The following OSR2 variants were observed in gnomAD, a reference collection of about 807,000 sequenced individuals.
OSR2 encodes protein odd-skipped-related 2.
In OSR2, 8 loss-of-function variants were observed where a neutral mutation model predicts 22.3. The ratio of observed to expected loss-of-function variants is 0.36; its 90% confidence interval spans 0.21 to 0.65. OSR2 has a LOEUF of 0.65. Among genes scored for constraint, OSR2 ranks in the 30% least tolerant of loss-of-function variants. The pLI is 0.66. For missense variants in OSR2, 311 were observed against 413.4 expected (o/e 0.75, Z 2.15); for synonymous variants, 179 against 173.8 (o/e 1.03, Z -0.23).
chr8:98,948,787 G>A lies in OSR2; in HGVS notation c.-114-52G>A, dbSNP rs1840690219. On this transcript the variant is annotated intron_variant, in intron 1 of 3. Coordinates refer to ENST00000297565, the MANE Select transcript of OSR2 (RefSeq NM_001142462.3). The surrounding 1 kb of genome is among the most constrained non-coding windows in gnomAD (Gnocchi z 6.0). ...GCGCAGGTGCCAAAGGGCAGAAGGAGCAGCCTTGGATTATAGTCACGGTCT... is the reference window on the plus strand; with the variant it reads ...GCGCAGGTGCCAAAGGGCAGAAGGAACAGCCTTGGATTATAGTCACGGTCT... The A allele has an allele frequency of 6.8e-7, 1 of 1,478,708 alleles. No homozygotes were observed. The highest frequency in any genetic ancestry group is 2.2e-5 in the Admixed American group (1 of 46,208). 91.6% of individuals were successfully genotyped at this position (1,478,708 alleles called of 1,614,324 possible).
At position 98,949,416 on chromosome 8, in the gene OSR2, C is replaced by T. The variant is rs373472912; in HGVS notation, c.464C>T (p.Pro155Leu). Residue 155 changes from proline (P) to leucine (L), a missense_variant, in exon 2 of 4, where the codon CCG (proline) becomes CTG (leucine). Physicochemically the swap from Pro to Leu is moderately conservative, Grantham distance 98. This residue lies in a region of OSR2 where 53 missense variants were observed against 59.5 expected (regional missense o/e 0.89). Transcript: ENST00000297565. The surrounding 1 kb of genome is among the most constrained non-coding windows in gnomAD (Gnocchi z 5.9). ...SPISGLSKLT[P>L]DRKPSRGRLP... ...ATCTCGGGCCTCAGTAAATTGACTC[C>T]GGACAGAAAGCCCTCTCGAGGAAGG... 1.6e-5 allele frequency: 26 copies of T among 1,613,942 alleles called. No individual in the cohort carries two copies. Among genetic ancestry groups the T allele is most frequent in the Admixed American group, 5.0e-5 (3 of 60,012 alleles).
chr8:98,946,882 G>C (rs1298916450), intron 1 of OSR2, among the ~76,000 whole-genome samples: 3 of 152,104 alleles, frequency 2.0e-5, no homozygotes, highest in Non-Finnish European at 2.9e-5. Flanking sequence ...CTCTCTATGG[G>C]AAAGAGGTTG....
At position 98,949,185 on chromosome 8, in the gene OSR2, T is replaced by A. The variant is rs1345279687; in HGVS notation, c.233T>A (p.Leu78His). The A allele has an allele frequency of 9.5e-6, 15 of 1,581,784 alleles. No homozygotes were observed. Among genetic ancestry groups the A allele is most frequent in the Non-Finnish European group, 1.2e-5 (14 of 1,161,856 alleles). Residue 78 changes from leucine (L) to histidine (H), a missense_variant, in exon 2 of 4, where the codon CTC becomes CAC. Coordinates refer to ENST00000297565, the MANE Select transcript of OSR2 (RefSeq NM_001142462.3). This position sits in a 1 kb window ranked among gnomAD's most constrained non-coding sequence, Gnocchi z 5.9. ...TITEMAAAQG[L>H]VDARFPFPAL... ...ACGGAGATGGCGGCGGCGCAGGGCC[T>A]CGTGGACGCGCGCTTCCCCTTCCCG... is the stretch of plus-strand genomic sequence containing the variant.
At chr8:98,950,917 A>G (rs1840764490) in intron 3 of OSR2, 162 bp downstream of exon 3, 1 of 654,050 alleles carries the variant, frequency 1.5e-6, no homozygotes. Context: ...CATAAAATTA[A>G]TCTTGTTTAA....
chr8:98,951,047 T>A, intron 3 of OSR2: 1 of 552,630 alleles, frequency 1.8e-6, no homozygotes, highest in Non-Finnish European at 3.2e-6. Flanking sequence ...TAGGAGGAAA[T>A]AAAGGTAATT....
Position 98,948,127 on chromosome 8 carries a change from C to T in OSR2, c.-114-712C>T, listed in dbSNP as rs987103368. ...GGGGCGATTCTAGGCCGAATCCAGC[C>T]CCTGAGGTGTCACTTTTCTTTCCTG... On this transcript the variant is annotated intron_variant, in intron 1 of 3. Coordinates refer to ENST00000297565, the MANE Select transcript of OSR2 (RefSeq NM_001142462.3). This position sits in a 1 kb window ranked among gnomAD's most constrained non-coding sequence, Gnocchi z 6.0. The T allele has an allele frequency of 1.3e-5, 18 of 1,384,498 alleles. No individual in the cohort carries two copies. The African/African-American group carries it at 2.5e-4, about 20-fold the overall frequency. The allele number at this position is 1,384,498 out of a possible 1,614,324, so 85.8% of individuals were successfully genotyped here.
rs1840664322 is a variant in OSR2 at position 98,948,131 on chromosome 8, G to C, written c.-114-708G>C. 1 of 1,386,278 alleles carries C rather than the reference G, an allele frequency of 7.2e-7. No individual in the cohort carries two copies. The allele number at this position is 1,386,278 out of a possible 1,614,324, so 85.9% of individuals were successfully genotyped here. ...CGATTCTAGGCCGAATCCAGCCCCTGAGGTGTCACTTTTCTTTCCTGCGGC... is the reference window on the plus strand; with the variant it reads ...CGATTCTAGGCCGAATCCAGCCCCTCAGGTGTCACTTTTCTTTCCTGCGGC... On this transcript the variant is annotated intron_variant, in intron 1 of 3. Coordinates refer to ENST00000297565, the MANE Select transcript of OSR2 (RefSeq NM_001142462.3). The surrounding 1 kb of genome is among the most constrained non-coding windows in gnomAD (Gnocchi z 6.0).
intron 3 of OSR2, 172 bp downstream of exon 3, chr8:98,950,927 A>G (rs1212037368): frequency 6.3e-6 from 4 of 636,296 alleles, no homozygotes; most frequent in Non-Finnish European, 1.1e-5. Flanking sequence ...ATCTTGTTTA[A>G]CATAAAGCAT....
In OSR2 at chr8:98,949,251, G is replaced by T. The variant is rs1321043428; in HGVS notation, c.299G>T (p.Gly100Val). 2.2e-5 allele frequency: 35 copies of T among 1,606,060 alleles called. No homozygotes were observed. Among genetic ancestry groups the T allele is most frequent in the Non-Finnish European group, 2.7e-5 (32 of 1,174,824 alleles). Reference protein sequence around the residue: ...FTTHLFHPKQGAIAHVLPALH... With the variant: ...FTTHLFHPKQVAIAHVLPALH... The stretch of plus-strand genomic sequence containing the variant: ...ACCCACCTATTCCACCCCAAGCAGG[G>T]GGCCATTGCCCACGTCCTCCCAGCC... Residue 100 changes from glycine to valine, a missense_variant, in exon 2 of 4, where the codon GGG (glycine) becomes GTG (valine). Gly to Val is a moderately radical substitution (Grantham distance 109). Transcript: ENST00000297565. The surrounding 1 kb of genome is among the most constrained non-coding windows in gnomAD (Gnocchi z 5.9).
At position 98,951,795 on chromosome 8, in the gene OSR2, C is replaced by A; in HGVS notation, c.*94C>A. The A allele has an allele frequency of 7.9e-7, 1 of 1,259,628 alleles. No individual in the cohort carries two copies. Among genetic ancestry groups the A allele is most frequent in the Non-Finnish European group, 1.1e-6 (1 of 924,926 alleles). The allele number at this position is 1,259,628 out of a possible 1,614,324, so 78.0% of individuals were successfully genotyped here. On this transcript the variant is annotated 3_prime_UTR_variant, in exon 4 of 4. Transcript: ENST00000297565. ...AGGGGGTCGCATCCCTAGCCCTTCA[C>A]TGACCCCAGCTCTTCCCTTGCTGCA...
chr8:98,951,009 T>C, intron 3 of OSR2: 2 of 595,544 alleles, frequency 3.4e-6, no homozygotes, highest in Non-Finnish European at 5.9e-6. Flanking sequence ...TTTCATCCAA[T>C]CTGTCCTGCA....
At chr8:98,946,212 A>G (rs1227896836) in intron 1 of OSR2, 1 of 152,268 alleles carries the variant, frequency 6.6e-6, no homozygotes, top group Non-Finnish European at 1.5e-5. Flanking sequence ...TCCTTGCAAG[A>G]TTAAAAGTAA....
At position 98,948,163 on chromosome 8, in the gene OSR2, C is replaced by T. The variant is rs1220328146; in HGVS notation, c.-114-676C>T. 6.5e-6 allele frequency: 9 copies of T among 1,386,262 alleles called. No homozygotes were observed. The highest frequency in any genetic ancestry group is 5.8e-5 in the East Asian group (2 of 34,758). The allele number at this position is 1,386,262 out of a possible 1,614,324, so 85.9% of individuals were successfully genotyped here. A position where few individuals can be genotyped will look rare whatever the true frequency, so the allele number is the denominator to read the frequency against. On this transcript the variant is annotated intron_variant, in intron 1 of 3. Transcript: ENST00000297565. The surrounding 1 kb of genome is among the most constrained non-coding windows in gnomAD (Gnocchi z 6.0). ...CACTTTTCTTTCCTGCGGCCCGTCA[C>T]CGCTGATAGATGGGGCTGAGGGCAG...
rs778807175 is a variant in OSR2, at chr8:98,949,483, C to T, written c.531C>T (p.Cys177=). Reference sequence around the variant, plus strand: ...AAAAAGAGTTTATCTGCAAGTTTTGCGGCAGACACTTTACCAAATCCTACA... The same window carrying T: ...AAAAAGAGTTTATCTGCAAGTTTTGTGGCAGACACTTTACCAAATCCTACA... The part of the protein sequence containing the change: ...KTKKEFICKF[C]GRHFTKSYNL... The change falls in exon 2 of 4, where the codon TGC becomes TGT. Residue 177 remains cysteine (C), a synonymous_variant. Transcript: ENST00000297565. The surrounding 1 kb of genome is among the most constrained non-coding windows in gnomAD (Gnocchi z 5.9). 3.7e-6 allele frequency: 6 copies of T among 1,614,036 alleles called. No individual in the cohort carries two copies. In the South Asian group the frequency reaches 6.6e-5, roughly 18 times the overall value.
Position 98,948,028 on chromosome 8 carries a change from A to AC in OSR2, c.-114-806dup. ...CAGGGACGTTCTCCGCCCCCACCCC[A>AC]CCCCCTGGGAGCCTGAACCATCTGG... On this transcript the variant is annotated intron_variant, in intron 1 of 3. Transcript: ENST00000297565. The surrounding 1 kb of genome is among the most constrained non-coding windows in gnomAD (Gnocchi z 6.0). 1 of 988,790 alleles carries AC rather than the reference A, an allele frequency of 1.0e-6. No individual in the cohort carries two copies. Among genetic ancestry groups the AC allele is most frequent in the Non-Finnish European group, 1.3e-6 (1 of 754,808 alleles). 61.3% of individuals were successfully genotyped at this position (988,790 alleles called of 1,614,324 possible).
chr8:98,951,470 C>G, intron 3 of OSR2, 49 bp from the exon 4 acceptor site: 2 of 1,494,118 alleles, frequency 1.3e-6, no homozygotes, highest in Non-Finnish European at 1.8e-6. Flanking sequence ...GAAAAGGGTG[C>G]AGTGGTGGTG....
Position 98,948,981 on chromosome 8 carries a change from TC to T in OSR2, c.32del (p.Pro11ArgfsTer17). 1 of 1,613,932 alleles carries T rather than the reference TC, an allele frequency of 6.2e-7. No homozygotes were observed. Among genetic ancestry groups the T allele is most frequent in the Non-Finnish European group, 8.5e-7 (1 of 1,179,878 alleles). On this transcript the variant is annotated frameshift_variant, in exon 2 of 4. Coordinates refer to ENST00000297565, the MANE Select transcript of OSR2 (RefSeq NM_001142462.3). LOFTEE classifies it high-confidence loss of function. The surrounding 1 kb of genome is among the most constrained non-coding windows in gnomAD (Gnocchi z 6.0). Reference protein sequence around the residue: MGSKALPAPIPLHPSLQLTN... With the variant: MGSKALPAPXPLHPSLQLTN... ...GGGAGCAAGGCTCTGCCAGCGCCCA[TC>T]CCGCTCCACCCGTCGCTGCAGCTCA...
At chr8:98,951,015 C>T (rs1840767211) in intron 3 of OSR2, 1 of 578,572 alleles carries the variant, frequency 1.7e-6, no homozygotes, top group Admixed American at 3.2e-5. Flanking sequence ...CCAATCTGTC[C>T]TGCATTTAAA....
Position 98,946,997 on chromosome 8 carries a change from A to T in OSR2, c.-114-1842A>T, listed in dbSNP as rs139540355. Among the ~76,000 whole-genome samples, 72 of 152,226 alleles carry T rather than the reference A, an allele frequency of 4.7e-4. 1 individual carries two copies. The highest frequency in any genetic ancestry group is 1.5e-3 in the African/African-American group (61 of 41,540). On this transcript the variant is annotated intron_variant, in intron 1 of 3. Transcript: ENST00000297565. The stretch of plus-strand genomic sequence containing the variant: ...AAATTATTATTTTTAATTGAAAGGG[A>T]AATAATCAGGTAGATTACCAGGAAT...
Sources: allele counts gnomAD v4.1 joint callset (sites outside exome capture counted in the v4.1 genomes callset), GRCh38; gene constraint gnomAD v4.1.1; regional missense constraint gnomAD v4.1.1; non-coding constraint Gnocchi (gnomAD v3.1); transcripts MANE v1.5; gene names NCBI Gene and HGNC (gene_info 2026-07-23, HGNC 2026-07-21).